ITGA3: variants seen among roughly 807,000 people sequenced by gnomAD.
The protein encoded by ITGA3 is integrin subunit alpha 3.
Under a neutral mutation model 131.1 loss-of-function variants are expected in ITGA3, and 70 were observed. The observed-to-expected ratio is 0.53, with a 90% confidence interval of 0.44 to 0.65. The LOEUF (loss-of-function observed/expected upper bound fraction) is 0.65, where lower values mean the gene tolerates loss of function less well. ITGA3 is among the 30% of genes least tolerant of loss of function. The pLI is 0.00. For missense variants in ITGA3, 1,098 were observed against 1,388.6 expected (o/e 0.79, Z 3.33); for synonymous variants, 537 against 571.6 (o/e 0.94, Z 0.86).
At chr17:50,082,450 T>C (rs1909228788) in intron 23 of ITGA3, among the ~76,000 whole-genome samples, 2 of 152,174 alleles carry the variant, frequency 1.3e-5, no homozygotes, top group African/African-American at 4.8e-5. Flanking sequence ...GTGCTGGGAT[T>C]ACAGGCATGA....
chr17:50,081,531 G>A (rs1248759893), intron 23 of ITGA3, 123 bp downstream of exon 23: 2 of 726,586 alleles, frequency 2.8e-6, no homozygotes, highest in Admixed American at 2.3e-5. Flanking sequence ...CACGGTAAGA[G>A]TATCTGGAGG....
At chr17:50,069,821 T>C (rs1908540491) in intron 4 of ITGA3, among the ~76,000 whole-genome samples, 1 of 152,228 alleles carries the variant, frequency 6.6e-6, no homozygotes, top group Non-Finnish European at 1.5e-5. Flanking sequence ...ACACATGGTC[T>C]CACAGGGGGT....
intron 4 of ITGA3, among the ~76,000 whole-genome samples, chr17:50,070,017 G>T (rs755315372): frequency 1.3e-5 from 2 of 152,322 alleles, no homozygotes; most frequent in South Asian, 4.1e-4. Flanking sequence ...ACCGAAGGCT[G>T]AGGCCTCTGC....
At chr17:50,076,813 T>C in intron 14 of ITGA3, 132 bp downstream of exon 14, 2 of 1,168,750 alleles carry the variant, frequency 1.7e-6, no homozygotes, top group Non-Finnish European at 2.5e-6. Context: ...GGTGGGATGG[T>C]CAGAAACGGG....
chr17:50,082,444 T>G (rs1384136186), intron 23 of ITGA3, among the ~76,000 whole-genome samples: 1 of 152,156 alleles, frequency 6.6e-6, no homozygotes, highest in Non-Finnish European at 1.5e-5. Context: ...CCCAAAGTGC[T>G]GGGATTACAG....
rs1907840837 is a variant in ITGA3 at position 50,056,667 on chromosome 17, G to A, written c.206+22G>A. On this transcript the variant is annotated intron_variant, in intron 1 of 25. Coordinates refer to ENST00000320031, the MANE Select transcript of ITGA3 (RefSeq NM_002204.4). The surrounding 1 kb of genome is among the most constrained non-coding windows in gnomAD (Gnocchi z 5.6). ...ACCTGTAAGTGAAGCTGGAGGGTGTGGGGTGGGAGCGAGAGAGTGTGCGAG... is the reference window on the plus strand; with the variant it reads ...ACCTGTAAGTGAAGCTGGAGGGTGTAGGGTGGGAGCGAGAGAGTGTGCGAG... 2 of 1,589,340 alleles carry A rather than the reference G, an allele frequency of 1.3e-6. No individual in the cohort carries two copies. The highest frequency in any genetic ancestry group is 2.3e-5 in the East Asian group (1 of 43,356).
rs1402598850 is a variant in ITGA3, at chr17:50,088,391, C to T, written c.*31+25C>T. Reference sequence around the variant, plus strand: ...GGTAACACGGCCTCCGGGCCCCCTTCCCCGAGCCCCACAGCTGGCCGGGCC... The same window carrying T: ...GGTAACACGGCCTCCGGGCCCCCTTTCCCGAGCCCCACAGCTGGCCGGGCC... On this transcript the variant is annotated intron_variant, in intron 25 of 25. Coordinates refer to ENST00000320031, the MANE Select transcript of ITGA3 (RefSeq NM_002204.4). 5.4e-6 allele frequency: 7 copies of T among 1,295,346 alleles called. No homozygotes were observed. The South Asian group carries it at 6.4e-5, about 12-fold the overall frequency. The allele number at this position is 1,295,346 out of a possible 1,614,324, so 80.2% of individuals were successfully genotyped here. A position where few individuals can be genotyped will look rare whatever the true frequency, so the allele number is the denominator to read the frequency against.
intron 14 of ITGA3, 49 bp from the exon 15 acceptor site, chr17:50,076,925 G>A: frequency 6.4e-7 from 1 of 1,570,588 alleles, no homozygotes; most frequent in South Asian, 1.2e-5. Flanking sequence ...TGATCCGGGA[G>A]TGCCCTGGGG....
chr17:50,089,258 A>G lies in ITGA3; in HGVS notation c.*180A>G. 2 of 1,612,394 alleles carry G rather than the reference A, an allele frequency of 1.2e-6. No homozygotes were observed. The highest frequency in any genetic ancestry group is 8.5e-7 in the Non-Finnish European group (1 of 1,179,548). Reference sequence around the variant, plus strand: ...ACCAGCTGGCAGACTCGGGACCAATACTACTGACGTCCTCCCTGATCCCAC... The same window carrying G: ...ACCAGCTGGCAGACTCGGGACCAATGCTACTGACGTCCTCCCTGATCCCAC... On this transcript the variant is annotated 3_prime_UTR_variant, in exon 26 of 26. Coordinates refer to ENST00000320031, the MANE Select transcript of ITGA3 (RefSeq NM_002204.4).
intron 24 of ITGA3, 73 bp downstream of exon 24, chr17:50,087,942 C>T: frequency 2.0e-6 from 3 of 1,477,032 alleles, no homozygotes; most frequent in South Asian, 1.3e-5. Context: ...CAACCCACGT[C>T]TCCCCATCCT....
chr17:50,080,466 GTGTGTGTGTGTGT>G (rs1567703965), intron 22 of ITGA3, 91 bp downstream of exon 22: 208 of 96,826 alleles, frequency 2.1e-3, no homozygotes, highest in African/African-American at 8.6e-3. Flanking sequence ...TAGCATGGGT[GTGTGTGTGTGTGT>G]GTGTGTGTGT....
rs12450428 is a variant in ITGA3 at position 50,074,648 on chromosome 17, C to T, written c.1469+114C>T. 2.3e-3 allele frequency: 1,736 copies of T among 749,208 alleles called. 36 individuals are homozygous for T. In the Admixed American group the frequency reaches 0.035, roughly 15 times the overall value. 46.4% of individuals were successfully genotyped at this position (749,208 alleles called of 1,614,324 possible). A position where few individuals can be genotyped will look rare whatever the true frequency, so the allele number is the denominator to read the frequency against. ...ACATCCCACCTTTAGAAATTTGATT[C>T]TTGGGGCCAGCATTTGCCCTCTCTA... is the stretch of plus-strand genomic sequence containing the variant. On this transcript the variant is annotated intron_variant, in intron 10 of 25. Transcript: ENST00000320031.
In ITGA3 at chr17:50,088,238, A is replaced by G. The variant is rs1268803923; in HGVS notation, c.3059A>G (p.Lys1020Arg). 6.4e-7 allele frequency: 1 copy of G among 1,566,296 alleles called. No homozygotes were observed. The highest frequency in any genetic ancestry group is 8.7e-7 in the Non-Finnish European group (1 of 1,155,366). ...TCCCCTCCGCAGTGCGGCTTCTTCAAGCGAGCCCGCACTCGCGCCCTGTAT... is the reference window on the plus strand; with the variant it reads ...TCCCCTCCGCAGTGCGGCTTCTTCAGGCGAGCCCGCACTCGCGCCCTGTAT... ...ILLLWKCGFF[K>R]RARTRALYEA... The change falls in exon 25 of 26, where the codon AAG (lysine) becomes AGG (arginine). Residue 1020 changes from lysine (K) to arginine (R), a missense_variant. Lys to Arg is a conservative substitution (Grantham distance 26). Coordinates refer to ENST00000320031, the MANE Select transcript of ITGA3 (RefSeq NM_002204.4).
In ITGA3 at chr17:50,089,920, T is replaced by G. The variant is rs534598571; in HGVS notation, c.*842T>G. The G allele has an allele frequency of 6.0e-5, 12 of 199,724 alleles. No individual in the cohort carries two copies. Among genetic ancestry groups the G allele is most frequent in the East Asian group, 5.4e-4 (4 of 7,424 alleles). The allele number at this position is 199,724 out of a possible 1,614,324, so 12.4% of individuals were successfully genotyped here. A position where few individuals can be genotyped will look rare whatever the true frequency, so the allele number is the denominator to read the frequency against. ...GAAGCCTCTCTCCTTGGCCACAGAC[T>G]GAACTCGCAGGGAATGCAGCAGGAA... On this transcript the variant is annotated 3_prime_UTR_variant, in exon 26 of 26. Coordinates refer to ENST00000320031, the MANE Select transcript of ITGA3 (RefSeq NM_002204.4).
In ITGA3 at chr17:50,071,058, G is replaced by A. The variant is rs78253610; in HGVS notation, c.751+128G>A. The A allele has an allele frequency of 3.4e-3, 2,558 of 755,206 alleles. 56 individuals are homozygous for A. The African/African-American group carries it at 0.039, about 12-fold the overall frequency. 46.8% of individuals were successfully genotyped at this position (755,206 alleles called of 1,614,324 possible). On this transcript the variant is annotated intron_variant, in intron 5 of 25. Transcript: ENST00000320031. Reference sequence around the variant, plus strand: ...TTAAACTAGCACACACGGATTGGCCGGCACCTGTATGCCAGGCCCTGTTCC... The same window carrying A: ...TTAAACTAGCACACACGGATTGGCCAGCACCTGTATGCCAGGCCCTGTTCC...
chr17:50,070,963 A>G (rs748846687), intron 5 of ITGA3, 33 bp downstream of exon 5: 1 of 1,355,574 alleles, frequency 7.4e-7, no homozygotes, highest in Admixed American at 1.7e-5. Flanking sequence ...ATCAAGTGGT[A>G]GAGGGGAAGG....
Position 50,073,949 on chromosome 17 carries a change from G to A in ITGA3, c.1190G>A (p.Gly397Asp), listed in dbSNP as rs1172366309. ...GTGGGAGCTCCGTTTGAAGGCTTGG[G>A]CAAAGTGTACATCTATCACAGTAGC... ...IAVGAPFEGL[G>D]KVYIYHSSSK... The change falls in exon 8 of 26, where the codon GGC (glycine) becomes GAC (aspartate). Residue 397 changes from glycine (G) to aspartate (D), a missense_variant. Coordinates refer to ENST00000320031, the MANE Select transcript of ITGA3 (RefSeq NM_002204.4). 1 of 1,614,152 alleles carries A rather than the reference G, an allele frequency of 6.2e-7. No individual in the cohort carries two copies. The highest frequency in any genetic ancestry group is 1.7e-5 in the Admixed American group (1 of 60,024).
Position 50,068,312 on chromosome 17 carries a change from A to T in ITGA3, c.664+7A>T. Reference sequence around the variant, plus strand: ...GGTGCCTACAACTGGAAAGGTGGGGACCATGGGGCCATGGGGGAAGAAAGG... The same window carrying T: ...GGTGCCTACAACTGGAAAGGTGGGGTCCATGGGGCCATGGGGGAAGAAAGG... On this transcript the variant is annotated splice_region_variant and intron_variant, in intron 4 of 25. Transcript: ENST00000320031. 1 of 1,612,038 alleles carries T rather than the reference A, an allele frequency of 6.2e-7. No homozygotes were observed. Among genetic ancestry groups the T allele is most frequent in the Non-Finnish European group, 8.5e-7 (1 of 1,179,554 alleles).
chr17:50,079,577 T>C lies in ITGA3; in HGVS notation c.2706+20T>C. The stretch of plus-strand genomic sequence containing the variant: ...GTGCTGGTGAGTGGCCAGGGCGAGG[T>C]TGGAGGGGATTGCATCCACCCCATC... On this transcript the variant is annotated intron_variant, in intron 21 of 25. Transcript: ENST00000320031. The C allele has an allele frequency of 6.6e-7, 1 of 1,506,166 alleles. No homozygotes were observed. Among genetic ancestry groups the C allele is most frequent in the South Asian group, 1.4e-5 (1 of 73,126 alleles). The allele number at this position is 1,506,166 out of a possible 1,614,324, so 93.3% of individuals were successfully genotyped here.
Sources: allele counts gnomAD v4.1 joint callset (sites outside exome capture counted in the v4.1 genomes callset), GRCh38; gene constraint gnomAD v4.1.1; non-coding constraint Gnocchi (gnomAD v3.1); transcripts MANE v1.5; gene names NCBI Gene and HGNC (gene_info 2026-07-23, HGNC 2026-07-21).